ATXN7: variants seen among roughly 807,000 people sequenced by gnomAD.
ATXN7 encodes ataxin-7.
ATXN7 carries 12 observed loss-of-function variants against 70.5 expected under a neutral mutation model. The observed-to-expected ratio is 0.17, with a 90% confidence interval of 0.11 to 0.28. The LOEUF (loss-of-function observed/expected upper bound fraction) is 0.28. Ranked by LOEUF, ATXN7 falls within the 10% of genes least tolerant of loss-of-function variation. ATXN7 has a pLI of 1.00. For missense variants in ATXN7, 1,256 were observed against 1,131.7 expected (o/e 1.11, Z -1.58); for synonymous variants, 498 against 448.7 (o/e 1.11, Z -1.39).
At chr3:63,968,230 G>A in intron 5 of ATXN7, 1 of 427,250 alleles carries the variant, frequency 2.3e-6, no homozygotes, top group South Asian at 4.0e-5. Flanking sequence ...CAGCCACAGG[G>A]ATTAGCTGCT....
intron 5 of ATXN7, among the ~76,000 whole-genome samples, chr3:63,977,075 C>T (rs977403901): frequency 6.6e-6 from 1 of 152,024 alleles, no homozygotes; most frequent in African/African-American, 2.4e-5. Flanking sequence ...TAATAACACC[C>T]ATGGTGGTGA....
At chr3:63,980,710 G>C (rs945586690) in intron 6 of ATXN7, 1 of 153,794 alleles carries the variant, frequency 6.5e-6, no homozygotes, top group Non-Finnish European at 1.4e-5. Flanking sequence ...CATAGGGGAC[G>C]GTTAACAAAT....
chr3:63,884,895 G>A (rs936863203), intron 1 of ATXN7, among the ~76,000 whole-genome samples: 6 of 151,790 alleles, frequency 4.0e-5, no homozygotes, highest in South Asian at 2.1e-4. Context: ...CTGGGCTCAA[G>A]CGATTCACCT....
In ATXN7 at chr3:63,995,617, G is replaced by A. The variant is rs2075744860; in HGVS notation, c.1795G>A (p.Val599Ile). 3.1e-6 allele frequency: 5 copies of A among 1,614,126 alleles called. No homozygotes were observed. The highest frequency in any genetic ancestry group is 2.2e-5 in the East Asian group (1 of 44,886). ...CGVSYLAAAT[V>I]STSPVLLSST... ...AGTCAGCTATCTGGCAGCAGCCACCGTCTCTACATCCCCAGTCCTGCTCTC... is the reference window on the plus strand; with the variant it reads ...AGTCAGCTATCTGGCAGCAGCCACCATCTCTACATCCCCAGTCCTGCTCTC... The change falls in exon 12 of 13, where the codon GTC becomes ATC. Residue 599 changes from valine (V) to isoleucine (I), a missense_variant. Coordinates refer to ENST00000674280, the MANE Select transcript of ATXN7 (RefSeq NM_001377405.1).
chr3:63,997,583 T>G, intron 12 of ATXN7: 2 of 1,528,796 alleles, frequency 1.3e-6, no homozygotes, highest in Non-Finnish European at 1.8e-6. Flanking sequence ...TTGCTCTAAC[T>G]TCCAGCTCAT....
chr3:63,973,516 A>T (rs1295906697), intron 5 of ATXN7, among the ~76,000 whole-genome samples: 1 of 152,114 alleles, frequency 6.6e-6, no homozygotes, highest in African/African-American at 2.4e-5. Flanking sequence ...CTTCAAACTG[A>T]TGCAGGATTT....
At chr3:63,975,811 G>A (rs1202324626) in intron 5 of ATXN7, among the ~76,000 whole-genome samples, 1 of 152,146 alleles carries the variant, frequency 6.6e-6, no homozygotes, top group Non-Finnish European at 1.5e-5. Context: ...GAAGCCACAA[G>A]GGGAAAGAGC....
At chr3:63,918,113 C>T (rs568048420) in intron 4 of ATXN7, among the ~76,000 whole-genome samples, 51 of 152,228 alleles carry the variant, frequency 3.4e-4, no homozygotes, top group African/African-American at 1.2e-3. Context: ...TTAACCTGAA[C>T]GTGATTGAGC....
At chr3:63,976,977 A>C (rs1214071401) in intron 5 of ATXN7, among the ~76,000 whole-genome samples, 1 of 152,178 alleles carries the variant, frequency 6.6e-6, no homozygotes, top group African/African-American at 2.4e-5. Flanking sequence ...AAGGCGTGGG[A>C]AGGGTTGCAG....
intron 4 of ATXN7, among the ~76,000 whole-genome samples, chr3:63,916,245 C>T (rs1704263072): frequency 6.6e-6 from 1 of 152,168 alleles, no homozygotes; most frequent in Non-Finnish European, 1.5e-5. Context: ...TTAACTCTTT[C>T]AACTGTTGAT....
chr3:63,890,895 C>T (rs1486150351), intron 1 of ATXN7, among the ~76,000 whole-genome samples: 1 of 152,210 alleles, frequency 6.6e-6, no homozygotes, highest in Non-Finnish European at 1.5e-5. Flanking sequence ...GAGCCCTTTC[C>T]ATTTGACCAA....
chr3:63,994,911 TACA>T lies in ATXN7; in HGVS notation c.1683-590_1683-588del, dbSNP rs558787939. On this transcript the variant is annotated intron_variant, in intron 11 of 12. Coordinates refer to ENST00000674280, the MANE Select transcript of ATXN7 (RefSeq NM_001377405.1). Reference sequence around the variant, plus strand: ...ACACATTCTTAACAGAATCCATTGTTACAACACCATGCTGAATATCCCTTGATA... The same window carrying T: ...ACACATTCTTAACAGAATCCATTGTTACACCATGCTGAATATCCCTTGATA... Among the ~76,000 whole-genome samples, 263 of 152,374 alleles carry T rather than the reference TACA, an allele frequency of 1.7e-3. 1 individual carries two copies. Among genetic ancestry groups the T allele is most frequent in the Middle Eastern group, 3.4e-3 (1 of 294 alleles).
intron 2 of ATXN7, among the ~76,000 whole-genome samples, chr3:63,910,717 T>C (rs750386420): frequency 6.6e-6 from 1 of 152,208 alleles, no homozygotes; most frequent in Non-Finnish European, 1.5e-5. Context: ...ACTATTTTGG[T>C]TATTTTGATA....
intron 1 of ATXN7, among the ~76,000 whole-genome samples, chr3:63,878,834 A>T (rs947805360): frequency 1.3e-5 from 2 of 152,196 alleles, no homozygotes; most frequent in African/African-American, 4.8e-5. Flanking sequence ...CACTGCCAGA[A>T]AAGGGAGCCC....
At chr3:63,934,653 G>C (rs2074625305) in intron 4 of ATXN7, among the ~76,000 whole-genome samples, 1 of 152,184 alleles carries the variant, frequency 6.6e-6, no homozygotes, top group South Asian at 2.1e-4. Context: ...TTGTTGCACA[G>C]CAGCATCAGA....
rs149645828 is a variant in ATXN7 at position 63,955,801 on chromosome 3, T to C, written c.499+3318T>C. ...TCTGTGAATTCATGTATTGCTGATA[T>C]CCATCTGTGACTTTTATGAACAAAT... On this transcript the variant is annotated intron_variant, in intron 5 of 12. Transcript: ENST00000674280. 5.9e-5 allele frequency among the ~76,000 whole-genome samples: 9 copies of C among 152,344 alleles called. No homozygotes were observed. The East Asian group carries it at 1.2e-3, about 20-fold the overall frequency.
intron 2 of ATXN7, chr3:63,903,719 G>C (rs562597866): frequency 6.6e-6 from 1 of 152,252 alleles, no homozygotes; most frequent in South Asian, 2.1e-4. Flanking sequence ...GCTAACTGAG[G>C]TACAGATGAA....
At position 63,987,517 on chromosome 3, in the gene ATXN7, G is replaced by A. The variant is rs115227622; in HGVS notation, c.1096-542G>A. Among the ~76,000 whole-genome samples, 1,214 of 152,196 alleles carry A rather than the reference G, an allele frequency of 8.0e-3. 20 individuals carry two copies. Among genetic ancestry groups the A allele is most frequent in the African/African-American group, 0.025 (1,052 of 41,496 alleles). On this transcript the variant is annotated intron_variant, in intron 8 of 12. Coordinates refer to ENST00000674280, the MANE Select transcript of ATXN7 (RefSeq NM_001377405.1). ...GGCAGTCTGTCTGCAGAATGCTTTG[G>A]GCCACTTTCTATTTTTGCATGGCAT... is the stretch of plus-strand genomic sequence containing the variant.
At chr3:63,928,546 G>A (rs1342124234) in intron 4 of ATXN7, among the ~76,000 whole-genome samples, 3 of 152,154 alleles carry the variant, frequency 2.0e-5, no homozygotes, top group Admixed American at 6.5e-5. Flanking sequence ...TGTGTGTCAC[G>A]CACTGAGTAA....
Sources: gnomAD v4.1 joint callset for allele counts (sites outside exome capture counted in the v4.1 genomes callset) on GRCh38, gnomAD v4.1.1 for gene constraint, MANE v1.5 for transcripts, NCBI Gene and HGNC (gene_info 2026-07-23, HGNC 2026-07-21) for gene names.